Variants in CMPK1 observed in about 807,000 individuals in gnomAD.
CMPK1 encodes UMP-CMP kinase.
Under a neutral mutation model 25.7 loss-of-function variants are expected in CMPK1, and 10 were observed. That is an observed-to-expected ratio of 0.39 (90% CI 0.24 to 0.66). CMPK1 has a LOEUF of 0.66. Ranked by LOEUF, CMPK1 falls within the 30% of genes least tolerant of loss-of-function variation. The pLI is 0.48. For missense variants in CMPK1, 199 were observed against 280.5 expected, an observed-to-expected ratio of 0.71 and a Z score of 2.08; for synonymous variants, 106 against 101.5, an observed-to-expected ratio of 1.04 and a Z score of -0.27.
At chr1:47,376,072 TAC>T (rs1208697432) in intron 5 of CMPK1, among the ~76,000 whole-genome samples, 9 of 151,934 alleles carry the variant, frequency 5.9e-5, no homozygotes, top group Non-Finnish European at 8.8e-5. Context: ...ACATTTTATT[TAC>T]AGTTTATATT....
At chr1:47,375,963 GACA>G (rs779327473) in intron 5 of CMPK1, among the ~76,000 whole-genome samples, 1 of 152,110 alleles carries the variant, frequency 6.6e-6, no homozygotes, top group Non-Finnish European at 1.5e-5. Context: ...TTAATCCATT[GACA>G]CTTTGTATAG....
rs1200895865 is a variant in CMPK1 at position 47,365,479 on chromosome 1, CA to C, written c.172-2985del. Among the ~76,000 whole-genome samples the C allele has an allele frequency of 5.3e-5, 8 of 151,548 alleles. No individual in the cohort carries two copies. The South Asian group carries it at 8.4e-4, about 16-fold the overall frequency. On this transcript the variant is annotated intron_variant, in intron 1 of 5. Coordinates refer to ENST00000371873, the MANE Select transcript of CMPK1 (RefSeq NM_016308.3). ...CAAAACCCCATCTCTACAAAAAGTA[CA>C]AAAATTAGCTGGATGCAGTGGCATG...
intron 3 of CMPK1, among the ~76,000 whole-genome samples, chr1:47,374,266 A>T (rs1646694113): frequency 6.6e-6 from 1 of 152,202 alleles, no homozygotes; most frequent in African/African-American, 2.4e-5. Flanking sequence ...CATGTTGGCC[A>T]GGCTGGTCTC....
At position 47,333,918 on chromosome 1, in the gene CMPK1, C is replaced by G. The variant is rs775036599; in HGVS notation, c.-28C>G. On this transcript the variant is annotated 5_prime_UTR_variant, in exon 1 of 6. Transcript: ENST00000371873. ...CGCGCCGCGCCGGCCGCTGTCAGCT[C>G]CCTCAGCGTCCGGCCGAGGCGCGGT... 8.4e-6 allele frequency: 11 copies of G among 1,307,866 alleles called. No individual in the cohort carries two copies. Among genetic ancestry groups the G allele is most frequent in the Non-Finnish European group, 1.1e-5 (11 of 1,014,228 alleles). The allele number at this position is 1,307,866 out of a possible 1,614,324, so 81.0% of individuals were successfully genotyped here.
At chr1:47,370,959 A>AAAATAAATAAATAAAT (rs3046950) in intron 2 of CMPK1, among the ~76,000 whole-genome samples, 4 of 149,132 alleles carry the variant, frequency 2.7e-5, no homozygotes, top group East Asian at 4.0e-4. Flanking sequence ...TCCGCCTCAA[A>AAAATAAATAAATAAAT]AAATAAATAA....
intron 1 of CMPK1, among the ~76,000 whole-genome samples, chr1:47,337,289 AT>A (rs1397273306): frequency 4.6e-5 from 7 of 151,794 alleles, no homozygotes; most frequent in South Asian, 2.1e-4. Flanking sequence ...TCTCAAAAAA[AT>A]AAAATAAATA....
intron 3 of CMPK1, 62 bp downstream of exon 3, chr1:47,373,169 A>C: frequency 6.9e-7 from 1 of 1,456,412 alleles, no homozygotes; most frequent in Non-Finnish European, 9.3e-7. Flanking sequence ...CTATTAGAAA[A>C]AACAAAGGAT....
intron 3 of CMPK1, among the ~76,000 whole-genome samples, chr1:47,373,964 G>T (rs912643919): frequency 3.9e-5 from 6 of 152,186 alleles, no homozygotes; most frequent in South Asian, 2.1e-4. Flanking sequence ...TAATTAAAAA[G>T]CCTGAAGTAG....
At chr1:47,339,997 C>T (rs1029553049) in intron 1 of CMPK1, among the ~76,000 whole-genome samples, 10 of 151,598 alleles carry the variant, frequency 6.6e-5, no homozygotes, top group African/African-American at 1.9e-4. Context: ...CGTGAGCCAC[C>T]GCATCCGGCT....
At chr1:47,368,318 T>C (rs978513138) in intron 1 of CMPK1, 151 bp from the exon 2 acceptor site, 1 of 539,070 alleles carries the variant, frequency 1.9e-6, no homozygotes, top group Admixed American at 3.9e-5. Flanking sequence ...ATGGGAAATA[T>C]CTTAAATTTT....
intron 1 of CMPK1, chr1:47,358,532 T>C (rs1490880426): frequency 9.9e-7 from 1 of 1,009,120 alleles, no homozygotes; most frequent in Non-Finnish European, 1.2e-6. Flanking sequence ...GTAGCATACA[T>C]ATTATTTCTG....
At chr1:47,335,112 G>C (rs1017817352) in intron 1 of CMPK1, among the ~76,000 whole-genome samples, 8 of 152,126 alleles carry the variant, frequency 5.3e-5, no homozygotes, top group African/African-American at 1.9e-4. Context: ...ACCATTGGTG[G>C]CCTCTAGTGA....
rs1396454240 is a variant in CMPK1 at position 47,378,293 on chromosome 1, T to C, written c.*1548T>C. On this transcript the variant is annotated 3_prime_UTR_variant, in exon 6 of 6. Transcript: ENST00000371873. The stretch of plus-strand genomic sequence containing the variant: ...GATTATCTTGGTTTCTTGGAAGAGA[T>C]AGGAATGAGTTCTTATCTAGTGTTG... The C allele has an allele frequency of 1.3e-5, 2 of 152,198 alleles. No homozygotes were observed. Among genetic ancestry groups the C allele is most frequent in the Non-Finnish European group, 2.9e-5 (2 of 68,036 alleles). 9.4% of individuals were successfully genotyped at this position (152,198 alleles called of 1,614,324 possible).
chr1:47,349,293 T>G (rs950483599), intron 1 of CMPK1, among the ~76,000 whole-genome samples: 5 of 152,196 alleles, frequency 3.3e-5, no homozygotes, highest in Admixed American at 3.3e-4. Context: ...AGGCCTGTTG[T>G]GGAATAATAG....
At chr1:47,373,187 C>T (rs1256720009) in intron 3 of CMPK1, 80 bp downstream of exon 3, 1 of 1,314,138 alleles carries the variant, frequency 7.6e-7, no homozygotes, top group African/African-American at 1.5e-5. Flanking sequence ...GATTTTTTAA[C>T]TTATATTTTA....
chr1:47,335,307 C>T (rs528692557), intron 1 of CMPK1, among the ~76,000 whole-genome samples: 1 of 152,216 alleles, frequency 6.6e-6, no homozygotes, highest in African/African-American at 2.4e-5. Flanking sequence ...TAGATGAGTT[C>T]AACAAGTCAT....
chr1:47,363,098 A>G (rs1442478196), intron 1 of CMPK1, among the ~76,000 whole-genome samples: 1 of 152,196 alleles, frequency 6.6e-6, no homozygotes, highest in East Asian at 1.9e-4. Flanking sequence ...ATGTTCCTCA[A>G]CTTAAAATGT....
At chr1:47,368,314 A>C (rs1646653525) in intron 1 of CMPK1, among the ~76,000 whole-genome samples, 155 bp from the exon 2 acceptor site, 1 of 152,236 alleles carries the variant, frequency 6.6e-6, no homozygotes, top group Admixed American at 6.5e-5. Flanking sequence ...GATTATGGGA[A>C]ATATCTTAAA....
intron 1 of CMPK1, among the ~76,000 whole-genome samples, chr1:47,351,811 T>G (rs1249493395): frequency 1.3e-5 from 2 of 149,950 alleles, no homozygotes; most frequent in African/African-American, 4.9e-5. Flanking sequence ...GGGTTTTTTG[T>G]TTTTTTTTCT....
Sources: gnomAD v4.1 joint callset for allele counts (sites outside exome capture counted in the v4.1 genomes callset) on GRCh38, gnomAD v4.1.1 for gene constraint, MANE v1.5 for transcripts, NCBI Gene and HGNC (gene_info 2026-07-23, HGNC 2026-07-21) for gene names.